The following DCAF11 variants were observed in gnomAD, a reference collection of about 807,000 sequenced individuals.
DCAF11 encodes the protein DDB1 and CUL4 associated factor 11.
A neutral mutation model predicts 76.1 loss-of-function variants in DCAF11; 44 were observed. The ratio of observed to expected loss-of-function variants is 0.58; its 90% CI spans 0.45 to 0.74. DCAF11 has a LOEUF of 0.74. Among genes scored for constraint, DCAF11 ranks in the 30% least tolerant of loss-of-function variants. DCAF11 has a pLI of 0.00. For missense variants in DCAF11, 604 were observed against 709.4 expected (o/e 0.85, Z 1.69); for synonymous variants, 258 against 255.0 (o/e 1.01, Z -0.11).
In DCAF11 at chr14:24,114,995, T is replaced by G. The variant is rs2037509729; in HGVS notation, c.-512T>G. On this transcript the variant is annotated 5_prime_UTR_variant, in exon 1 of 15. It removes an upstream start codon present in the reference 5' UTR. Transcript: ENST00000446197. The stretch of plus-strand genomic sequence containing the variant: ...GTGCTTCTCGGCTTCCTCCCCCTCA[T>G]GGCGTACACACCCCCGGCGCACCAC... 1.0e-6 allele frequency: 1 copy of G among 985,794 alleles called. No individual in the cohort carries two copies. The highest frequency in any genetic ancestry group is 1.2e-6 in the Non-Finnish European group (1 of 829,966). 61.1% of individuals were successfully genotyped at this position (985,794 alleles called of 1,614,324 possible).
At position 24,120,897 on chromosome 14, in the gene DCAF11, C is replaced by T; in HGVS notation, c.1152C>T (p.Ile384=). ...SKDQTIKLWD[I]RRFSSREGME... is the part of the protein sequence containing the mutation. ...ACCAGACCATCAAACTCTGGGATAT[C>T]CGACGCTTTTCCAGCCGGGAAGGCA... The change falls in exon 12 of 15, where the codon ATC becomes ATT. Residue 384 remains isoleucine, a synonymous_variant. Transcript: ENST00000446197. 6.2e-7 allele frequency: 1 copy of T among 1,614,200 alleles called. No homozygotes were observed. The highest frequency in any genetic ancestry group is 8.5e-7 in the Non-Finnish European group (1 of 1,180,048).
At chr14:24,118,593 C>T in intron 7 of DCAF11, 59 bp downstream of exon 7, 2 of 1,602,530 alleles carry the variant, frequency 1.2e-6, no homozygotes, top group Non-Finnish European at 1.7e-6. Flanking sequence ...TTTCCATGTG[C>T]CTGTCCCCTC....
intron 12 of DCAF11, 110 bp from the exon 13 acceptor site, chr14:24,121,255 G>A: frequency 7.0e-7 from 1 of 1,433,266 alleles, no homozygotes; most frequent in Non-Finnish European, 9.6e-7. Context: ...ACCACTTGAA[G>A]ATTGGAAAGG....
In DCAF11 at chr14:24,116,982, A is replaced by G; in HGVS notation, c.221A>G (p.Asp74Gly). The change falls in exon 3 of 15, where the codon GAC becomes GGC. Residue 74 changes from aspartate to glycine, a missense_variant. Physicochemically the swap from Asp to Gly is moderately conservative, Grantham distance 94. Coordinates refer to ENST00000446197, the MANE Select transcript of DCAF11 (RefSeq NM_025230.5). ...TTACAATTCATTCAGGCCCTCTTGGACTCAGAGGAAGAGAATGACAGAGCT... is the reference window on the plus strand; with the variant it reads ...TTACAATTCATTCAGGCCCTCTTGGGCTCAGAGGAAGAGAATGACAGAGCT... ...ANLQFIQALL[D>G]SEEENDRAWD... 6.2e-7 allele frequency: 1 copy of G among 1,614,120 alleles called. No individual in the cohort carries two copies. The highest frequency in any genetic ancestry group is 8.5e-7 in the Non-Finnish European group (1 of 1,180,008).
rs139504177 is a variant in DCAF11, at chr14:24,117,380, G to A, written c.398G>A (p.Arg133Gln). The A allele has an allele frequency of 3.0e-4, 479 of 1,614,182 alleles. 2 individuals carry two copies. The African/African-American group carries it at 5.1e-3, about 17-fold the overall frequency. ...GCCGCCCAGAAGCACAGCTTTCCTC[G>A]AATGTTGCACCAGGTAGGCCTCTCC... Reference protein sequence around the residue: ...RRAAQKHSFPRMLHQRERGLC... With the variant: ...RRAAQKHSFPQMLHQRERGLC... Residue 133 changes from arginine to glutamine, a missense_variant, in exon 4 of 15, where the codon CGA (arginine) becomes CAA (glutamine). Coordinates refer to ENST00000446197, the MANE Select transcript of DCAF11 (RefSeq NM_025230.5). The surrounding 1 kb of genome is among the most constrained non-coding windows in gnomAD (Gnocchi z 4.3).
In DCAF11 at chr14:24,115,690, A is replaced by G. The variant is rs1194619637; in HGVS notation, c.96A>G (p.Glu32=). Residue 32 remains glutamate (E), a synonymous_variant, in exon 2 of 15, where the codon GAA becomes GAG. Coordinates refer to ENST00000446197, the MANE Select transcript of DCAF11 (RefSeq NM_025230.5). ...RRGAGLRRSE[E]EEEEDEDVDL... ...GGGCTGGCCTGCGTCGGAGTGAGGAAGAGGAAGAAGAGGATGAAGATGTGG... is the reference window on the plus strand; with the variant it reads ...GGGCTGGCCTGCGTCGGAGTGAGGAGGAGGAAGAAGAGGATGAAGATGTGG... 1 of 1,613,826 alleles carries G rather than the reference A, an allele frequency of 6.2e-7. No individual in the cohort carries two copies. The highest frequency in any genetic ancestry group is 1.3e-5 in the African/African-American group (1 of 74,950).
rs758357390 is a variant in DCAF11, at chr14:24,115,709, G to C, written c.115G>C (p.Asp39His). ...TGAGGAAGAGGAAGAAGAGGATGAA[G>C]ATGTGGATCTGGCCCAGGTACTGGC... ...RSEEEEEEDE[D>H]VDLAQVLAYL... Residue 39 changes from aspartate to histidine, a missense_variant, in exon 2 of 15, where the codon GAT becomes CAT. Transcript: ENST00000446197. The C allele has an allele frequency of 1.9e-6, 3 of 1,614,050 alleles. No individual in the cohort carries two copies. The Admixed American group carries it at 5.0e-5, about 27-fold the overall frequency.
rs2037716377 is a variant in DCAF11, at chr14:24,122,836, C to T, written c.1400-135C>T. 16 of 703,752 alleles carry T rather than the reference C, an allele frequency of 2.3e-5. No homozygotes were observed. The Admixed American group carries it at 3.5e-4, about 16-fold the overall frequency. The allele number at this position is 703,752 out of a possible 1,614,324, so 43.6% of individuals were successfully genotyped here. ...ATAGAAGCAGAAATAACACAGTCTT[C>T]TGGTGTGGGCTTTGCTCCCATGGGA... On this transcript the variant is annotated intron_variant, in intron 13 of 14. Coordinates refer to ENST00000446197, the MANE Select transcript of DCAF11 (RefSeq NM_025230.5).
chr14:24,119,158 C>T lies in DCAF11; in HGVS notation c.793C>T (p.Arg265Cys), dbSNP rs977854268. ...TCTTGCTTTTAGGCCAGATGAGCGT[C>T]GCTTTGCTGTCTTCTCCATTGCTGT... ...TALDLRPDER[R>C]FAVFSIAVSS... The change falls in exon 9 of 15, where the codon CGC (arginine) becomes TGC (cysteine). Residue 265 changes from arginine (R) to cysteine (C), a missense_variant. Physicochemically the swap from Arg to Cys is radical, Grantham distance 180. Coordinates refer to ENST00000446197, the MANE Select transcript of DCAF11 (RefSeq NM_025230.5). 1.2e-6 allele frequency: 2 copies of T among 1,614,216 alleles called. No homozygotes were observed. The highest frequency in any genetic ancestry group is 1.7e-6 in the Non-Finnish European group (2 of 1,180,040).
intron 2 of DCAF11, 46 bp from the exon 3 acceptor site, chr14:24,116,870 GT>G: frequency 6.2e-7 from 1 of 1,612,674 alleles, no homozygotes; most frequent in East Asian, 2.2e-5. Flanking sequence ...AATTTGGTTG[GT>G]TTGGGGGAAG....
rs1036986569 is a variant in DCAF11, at chr14:24,121,203, A to T, written c.1247-162A>T. The T allele has an allele frequency of 3.4e-5, 38 of 1,127,674 alleles. No homozygotes were observed. The African/African-American group carries it at 5.8e-4, about 17-fold the overall frequency. The allele number at this position is 1,127,674 out of a possible 1,614,324, so 69.9% of individuals were successfully genotyped here. A position where few individuals can be genotyped will look rare whatever the true frequency, so the allele number is the denominator to read the frequency against. On this transcript the variant is annotated intron_variant, in intron 12 of 14. Transcript: ENST00000446197. The stretch of plus-strand genomic sequence containing the variant: ...AGTGTAATGATTAACCGGCAGGGCC[A>T]TATTGGAGACTGTCCACTGACTATT...
rs537697700 is a variant in DCAF11, at chr14:24,117,306, G to A, written c.324G>A (p.Glu108=). The part of the protein sequence containing the change: ...TPDTRELEFN[E]IKTQVELATG... ...ACACCCGGGAGCTGGAATTCAATGA[G>A]ATCAAGACACAAGTGGAACTGGCCA... The change falls in exon 4 of 15, where the codon GAG becomes GAA. Residue 108 remains glutamate, a synonymous_variant. Coordinates refer to ENST00000446197, the MANE Select transcript of DCAF11 (RefSeq NM_025230.5). This position sits in a 1 kb window ranked among gnomAD's most constrained non-coding sequence, Gnocchi z 4.3. 6.2e-7 allele frequency: 1 copy of A among 1,614,214 alleles called. No homozygotes were observed. Among genetic ancestry groups the A allele is most frequent in the South Asian group, 1.1e-5 (1 of 91,080 alleles).
chr14:24,116,771 G>A (rs2037583015), intron 2 of DCAF11, 146 bp from the exon 3 acceptor site: 1 of 1,139,500 alleles, frequency 8.8e-7, no homozygotes, highest in Non-Finnish European at 1.3e-6. Flanking sequence ...TGTTTTATAG[G>A]AGACCAAAAA....
At chr14:24,119,488 C>G (rs1566592709) in intron 9 of DCAF11, 71 bp from the exon 10 acceptor site, 1 of 1,576,166 alleles carries the variant, frequency 6.3e-7, no homozygotes, top group African/African-American at 1.4e-5. Context: ...CAGTGGAACT[C>G]TCTAGAGCAT....
chr14:24,119,449 C>A, intron 9 of DCAF11, 110 bp from the exon 10 acceptor site: 2 of 1,415,094 alleles, frequency 1.4e-6, no homozygotes, highest in Non-Finnish European at 2.0e-6. Context: ...ATAAAAAGAG[C>A]AAAGGGCTTG....
In DCAF11 at chr14:24,123,918, T is replaced by G. The variant is rs946400297; in HGVS notation, c.*609T>G. 2.6e-5 allele frequency: 4 copies of G among 152,386 alleles called. No homozygotes were observed. Among genetic ancestry groups the G allele is most frequent in the African/African-American group, 9.6e-5 (4 of 41,584 alleles). 9.4% of individuals were successfully genotyped at this position (152,386 alleles called of 1,614,324 possible). A position where few individuals can be genotyped will look rare whatever the true frequency, so the allele number is the denominator to read the frequency against. ...CCCTTATAGGGCAGGCCCTGCCCTC[T>G]GGGAAGGTCCCTTCATGCTGGAGGC... On this transcript the variant is annotated 3_prime_UTR_variant, in exon 15 of 15. Transcript: ENST00000446197.
intron 9 of DCAF11, 64 bp from the exon 10 acceptor site, chr14:24,119,495 G>A: frequency 6.3e-7 from 1 of 1,587,594 alleles, no homozygotes; most frequent in Admixed American, 1.7e-5. Context: ...ACTCTCTAGA[G>A]CATATACCAC....
rs935492438 is a variant in DCAF11 at position 24,123,512 on chromosome 14, G to C, written c.*203G>C. 55 of 737,206 alleles carry C rather than the reference G, an allele frequency of 7.5e-5. No homozygotes were observed. The highest frequency in any genetic ancestry group is 1.0e-4 in the Non-Finnish European group (54 of 521,048). 45.7% of individuals were successfully genotyped at this position (737,206 alleles called of 1,614,324 possible). A position where few individuals can be genotyped will look rare whatever the true frequency, so the allele number is the denominator to read the frequency against. ...CTCCTTACGTGCTCACACCCAGTCA[G>C]CTTGGGTCCCTATCTCTGGCCAGAG... On this transcript the variant is annotated 3_prime_UTR_variant, in exon 15 of 15. Coordinates refer to ENST00000446197, the MANE Select transcript of DCAF11 (RefSeq NM_025230.5).
Position 24,117,198 on chromosome 14 carries a change from G to A in DCAF11, c.284-68G>A. ...TATTCAGCCACAGGGGTGGGCTTGG[G>A]TACAGTTCTGCTAACTGTCCTCTGA... On this transcript the variant is annotated intron_variant, in intron 3 of 14. Coordinates refer to ENST00000446197, the MANE Select transcript of DCAF11 (RefSeq NM_025230.5). The surrounding 1 kb of genome is among the most constrained non-coding windows in gnomAD (Gnocchi z 4.3). 1.2e-6 allele frequency: 2 copies of A among 1,608,616 alleles called. No individual in the cohort carries two copies. The highest frequency in any genetic ancestry group is 1.7e-6 in the Non-Finnish European group (2 of 1,176,380).
Sources: allele counts gnomAD v4.1 joint callset, GRCh38; gene constraint gnomAD v4.1.1; non-coding constraint Gnocchi (gnomAD v3.1); transcripts MANE v1.5; gene names NCBI Gene and HGNC (gene_info 2026-07-23, HGNC 2026-07-21).